Variants in OTOF observed in about 807,000 individuals in gnomAD.
The protein encoded by OTOF is fer-1-like family member 2.
Under a neutral mutation model 236.8 loss-of-function variants are expected in OTOF, and 218 were observed. The ratio of observed to expected loss-of-function variants is 0.92; its 90% CI spans 0.82 to 1.03. The LOEUF (loss-of-function observed/expected upper bound fraction) is 1.03, where lower values mean the gene tolerates loss of function less well. Among genes scored for constraint, OTOF ranks in the 50% least tolerant of loss-of-function variants. OTOF has a pLI of 0.00. For synonymous variants in OTOF, 1,041 were observed against 1,072.5 expected, an observed-to-expected ratio of 0.97 and a Z score of 0.57; for missense variants, 2,590 against 2,694.4, an observed-to-expected ratio of 0.96 and a Z score of 0.86.
Position 26,467,150 on chromosome 2 carries a change from C to T in OTOF, c.4311G>A (p.Gly1437=). Residue 1437 remains glycine, a synonymous_variant, in exon 35 of 47, where the codon GGG becomes GGA. Coordinates refer to ENST00000272371, the MANE Select transcript of OTOF (RefSeq NM_194248.3). The stretch of plus-strand genomic sequence containing the variant: ...CCTCGGTGGAGCCATCCTCATCATC[C>T]CCGGTCTTGCCCCGAAGCAAGTTGA... ...HTFNLLRGKT[G]DDEDGSTEEE... The T allele has an allele frequency of 6.2e-7, 1 of 1,613,984 alleles. No individual in the cohort carries two copies. The highest frequency in any genetic ancestry group is 1.1e-5 in the South Asian group (1 of 91,060).
chr2:26,483,757 G>T, intron 12 of OTOF, 109 bp from the exon 13 acceptor site: 1 of 987,788 alleles, frequency 1.0e-6, no homozygotes, highest in Non-Finnish European at 1.5e-6. Flanking sequence ...GGACAGCTGA[G>T]GGAGCAAGGC....
intron 1 of OTOF, among the ~76,000 whole-genome samples, chr2:26,550,000 A>G (rs992650926): frequency 1.3e-5 from 2 of 151,728 alleles, no homozygotes; most frequent in East Asian, 3.9e-4. Flanking sequence ...TGTGCCAGGC[A>G]CTGGGAATAC....
In OTOF at chr2:26,467,357, G is replaced by A; in HGVS notation, c.4227+8C>T. On this transcript the variant is annotated splice_region_variant and intron_variant, in intron 34 of 46. Coordinates refer to ENST00000272371, the MANE Select transcript of OTOF (RefSeq NM_194248.3). ...ACACCCTAGAAGGGTCTGCTCCTAG[G>A]CTCTCACCTTAAGCTCATCAATCTT... 6.2e-7 allele frequency: 1 copy of A among 1,613,638 alleles called. No individual in the cohort carries two copies. The highest frequency in any genetic ancestry group is 8.5e-7 in the Non-Finnish European group (1 of 1,179,980).
At chr2:26,544,760 G>A (rs937658525) in intron 1 of OTOF, among the ~76,000 whole-genome samples, 13 of 152,146 alleles carry the variant, frequency 8.5e-5, no homozygotes, top group African/African-American at 2.7e-4. Context: ...ATTGCTGGCC[G>A]GGCGCAATGG....
chr2:26,519,224 C>A, intron 3 of OTOF, 115 bp from the exon 4 acceptor site: 1 of 744,588 alleles, frequency 1.3e-6, no homozygotes, highest in South Asian at 1.5e-5. Context: ...CTTGCTCCAG[C>A]TCTGGGCTGG....
rs748589817 is a variant in OTOF at position 26,460,673 on chromosome 2, A to G, written c.5787T>C (p.Asn1929=). The G allele has an allele frequency of 6.2e-7, 1 of 1,614,084 alleles. No homozygotes were observed. Among genetic ancestry groups the G allele is most frequent in the Admixed American group, 1.7e-5 (1 of 60,012 alleles). ...TGGGTTTCTCTAGGGGGTCAGGTTC[A>G]TTGCGGGCCAGGCCCACTGGGTTCT... ...AEKNPVGLAR[N]EPDPLEKPNR... Residue 1929 remains asparagine (N), a synonymous_variant, in exon 45 of 47, where the codon AAT becomes AAC. Coordinates refer to ENST00000272371, the MANE Select transcript of OTOF (RefSeq NM_194248.3). The surrounding 1 kb of genome is among the most constrained non-coding windows in gnomAD (Gnocchi z 5.3).
At chr2:26,464,778 G>A in intron 39 of OTOF, 91 bp downstream of exon 39, 1 of 1,306,730 alleles carries the variant, frequency 7.7e-7, no homozygotes, top group East Asian at 2.4e-5. Flanking sequence ...CCCAGGCTAG[G>A]CTGTGAGGTT....
At chr2:26,534,751 T>C (rs1217416071) in intron 2 of OTOF, among the ~76,000 whole-genome samples, 2 of 152,188 alleles carry the variant, frequency 1.3e-5, no homozygotes, top group Non-Finnish European at 2.9e-5. Context: ...AAGAGGTTCC[T>C]CAGCAAGGAC....
intron 46 of OTOF, among the ~76,000 whole-genome samples, 179 bp from the exon 47 acceptor site, chr2:26,458,399 C>T (rs1664291182): frequency 6.6e-6 from 1 of 152,240 alleles, no homozygotes; most frequent in African/African-American, 2.4e-5. Flanking sequence ...GCTTACAAAA[C>T]TCTATCCTCC....
intron 36 of OTOF, chr2:26,466,368 G>T: frequency 5.8e-6 from 3 of 513,244 alleles, no homozygotes; most frequent in South Asian, 2.0e-5. Flanking sequence ...ACAGAGTCTC[G>T]CTCTGTCTCC....
At chr2:26,503,727 G>A in intron 6 of OTOF, 45 bp downstream of exon 6, 1 of 1,561,966 alleles carries the variant, frequency 6.4e-7, no homozygotes, top group Non-Finnish European at 8.8e-7. Flanking sequence ...GCGGGAGGGC[G>A]CCGCGAGGCG....
In OTOF at chr2:26,467,315, C is replaced by A. The variant is rs777505976; in HGVS notation, c.4227+50G>T. The stretch of plus-strand genomic sequence containing the variant: ...CCCACCTGCAGGATCACTGCGCCCC[C>A]CTCTTCCCGCCCCCACACACCCTAG... On this transcript the variant is annotated intron_variant, in intron 34 of 46. Transcript: ENST00000272371. 5.0e-6 allele frequency: 8 copies of A among 1,613,788 alleles called. No homozygotes were observed. In the Middle Eastern group the frequency reaches 1.2e-3, roughly 233 times the overall value.
chr2:26,522,532 T>C (rs1421297463), intron 3 of OTOF, among the ~76,000 whole-genome samples: 1 of 152,212 alleles, frequency 6.6e-6, no homozygotes, highest in African/African-American at 2.4e-5. Context: ...CCTTTGTGCA[T>C]CCTGGCTGCA....
chr2:26,502,120 G>A (rs894001248), intron 7 of OTOF, among the ~76,000 whole-genome samples, 180 bp downstream of exon 7: 3 of 152,204 alleles, frequency 2.0e-5, no homozygotes, highest in Non-Finnish European at 4.4e-5. Context: ...GCTGTGCTCT[G>A]CTTTTGCAGG....
At chr2:26,495,426 T>C (rs1208283494) in intron 8 of OTOF, among the ~76,000 whole-genome samples, 2 of 152,038 alleles carry the variant, frequency 1.3e-5, no homozygotes, top group Non-Finnish European at 1.5e-5. Context: ...AGCTCAGGCA[T>C]CTGTATTTTT....
rs1482533164 is a variant in OTOF at position 26,470,878 on chromosome 2, G to A, written c.3895-157C>T. Among the ~76,000 whole-genome samples the A allele has an allele frequency of 6.6e-6, 1 of 152,186 alleles. No individual in the cohort carries two copies. Among genetic ancestry groups the A allele is most frequent in the African/African-American group, 2.4e-5 (1 of 41,448 alleles). ...CCAAGGGGCAGGGCCTTATTTTATGGAGAAGGTGCCACAGGCCACAGAGTG... is the reference window on the plus strand; with the variant it reads ...CCAAGGGGCAGGGCCTTATTTTATGAAGAAGGTGCCACAGGCCACAGAGTG... On this transcript the variant is annotated intron_variant, in intron 31 of 46. Coordinates refer to ENST00000272371, the MANE Select transcript of OTOF (RefSeq NM_194248.3). This position sits in a 1 kb window ranked among gnomAD's most constrained non-coding sequence, Gnocchi z 4.3.
chr2:26,501,159 C>T (rs990831610), intron 8 of OTOF, among the ~76,000 whole-genome samples: 1 of 152,210 alleles, frequency 6.6e-6, no homozygotes. Flanking sequence ...CCTGTCCTGC[C>T]TGCACTGTTG....
At position 26,477,788 on chromosome 2, in the gene OTOF, C is replaced by A; in HGVS notation, c.2215-39G>T. 2 of 1,609,852 alleles carry A rather than the reference C, an allele frequency of 1.2e-6. No individual in the cohort carries two copies. The highest frequency in any genetic ancestry group is 8.5e-7 in the Non-Finnish European group (1 of 1,178,670). ...GTGTGGGTGATGCTGGGCCACAGCCCCGCCTCCCCAGCCTCCCCAAATGCC... is the reference window on the plus strand; with the variant it reads ...GTGTGGGTGATGCTGGGCCACAGCCACGCCTCCCCAGCCTCCCCAAATGCC... On this transcript the variant is annotated intron_variant, in intron 18 of 46. Transcript: ENST00000272371. The surrounding 1 kb of genome is among the most constrained non-coding windows in gnomAD (Gnocchi z 4.7).
At chr2:26,525,185 G>A (rs545214914) in intron 3 of OTOF, among the ~76,000 whole-genome samples, 2 of 152,312 alleles carry the variant, frequency 1.3e-5, no homozygotes, top group South Asian at 4.1e-4. Context: ...CAAAGGGAAG[G>A]CCTTTGTGCA....
Sources: gnomAD v4.1 joint callset for allele counts (sites outside exome capture counted in the v4.1 genomes callset) on GRCh38, gnomAD v4.1.1 for gene constraint, Gnocchi (gnomAD v3.1) non-coding constraint, MANE v1.5 for transcripts, NCBI Gene and HGNC (gene_info 2026-07-23, HGNC 2026-07-21) for gene names.